The following PTPRJ variants were observed in gnomAD, a reference collection of about 807,000 sequenced individuals.
PTPRJ encodes the protein receptor-type tyrosine-protein phosphatase eta.
In PTPRJ, 129 loss-of-function variants were observed where a neutral mutation model predicts 141.3. The observed-to-expected ratio is 0.91, with a 90% CI of 0.79 to 1.06. The LOEUF (loss-of-function observed/expected upper bound fraction) is 1.06, where lower values mean the gene tolerates loss of function less well. PTPRJ is among the 50% of genes least tolerant of loss of function. PTPRJ has a pLI of 0.00. For synonymous variants in PTPRJ, 610 were observed against 640.5 expected, an observed-to-expected ratio of 0.95 and a Z score of 0.72; for missense variants, 1,601 against 1,679.7, an observed-to-expected ratio of 0.95 and a Z score of 0.82.
At position 48,123,669 on chromosome 11, in the gene PTPRJ, C is replaced by G. The variant is rs752557147; in HGVS notation, c.673C>G (p.Leu225Val). ...CCTCACGGGTGTGAGGAAGGCTGCTCTCTCCTGGAGCAATGGCAATGGCAC... is the reference window on the plus strand; with the variant it reads ...CCTCACGGGTGTGAGGAAGGCTGCTGTCTCCTGGAGCAATGGCAATGGCAC... ...VALTGVRKAA[L>V]SWSNGNGTAS... Residue 225 changes from leucine (L) to valine (V), a missense_variant, in exon 5 of 25, where the codon CTC (leucine) becomes GTC (valine). Transcript: ENST00000418331. The G allele has an allele frequency of 9.3e-6, 15 of 1,614,074 alleles. No individual in the cohort carries two copies. The highest frequency in any genetic ancestry group is 5.5e-5 in the South Asian group (5 of 91,088).
Position 48,127,777 on chromosome 11 carries a change from C to G in PTPRJ, c.1094-3C>G. 6.2e-7 allele frequency: 1 copy of G among 1,613,676 alleles called. No individual in the cohort carries two copies. Among genetic ancestry groups the G allele is most frequent in the Non-Finnish European group, 8.5e-7 (1 of 1,179,632 alleles). On this transcript the variant is annotated splice_polypyrimidine_tract_variant and splice_region_variant and intron_variant, in intron 6 of 24. Coordinates refer to ENST00000418331, the MANE Select transcript of PTPRJ (RefSeq NM_002843.4). The stretch of plus-strand genomic sequence containing the variant: ...ATTTTGAACTCCTCTTGTGTTCTCA[C>G]AGATGCTATTCAGGTTTTTGACGTC...
intron 18 of PTPRJ, among the ~76,000 whole-genome samples, chr11:48,153,325 G>A (rs1857526703): frequency 6.6e-6 from 1 of 151,922 alleles, no homozygotes; most frequent in Non-Finnish European, 1.5e-5. Context: ...ACGAGGTCAG[G>A]AGATCGAGAC....
chr11:48,086,944 G>A (rs1016952660), intron 1 of PTPRJ, among the ~76,000 whole-genome samples: 1 of 152,156 alleles, frequency 6.6e-6, no homozygotes. Flanking sequence ...CAAAAAAGTT[G>A]TATTGGTAGA....
At chr11:48,067,624 G>A (rs1855120763) in intron 1 of PTPRJ, among the ~76,000 whole-genome samples, 1 of 152,144 alleles carries the variant, frequency 6.6e-6, no homozygotes. Flanking sequence ...TCTGCACCAA[G>A]AGGCAAACCA....
At chr11:48,011,104 G>A (rs1385909802) in intron 1 of PTPRJ, among the ~76,000 whole-genome samples, 1 of 152,186 alleles carries the variant, frequency 6.6e-6, no homozygotes, top group Non-Finnish European at 1.5e-5. Context: ...CCTGGGCAAA[G>A]GCAGAGATAA....
chr11:48,126,241 T>G (rs745334668), intron 6 of PTPRJ, among the ~76,000 whole-genome samples: 5 of 152,174 alleles, frequency 3.3e-5, no homozygotes, highest in Non-Finnish European at 5.9e-5. Context: ...CTGGGGTCCC[T>G]GCTTTTTAAA....
chr11:48,112,018 G>A (rs906592760), intron 2 of PTPRJ, among the ~76,000 whole-genome samples: 8 of 152,010 alleles, frequency 5.3e-5, no homozygotes, highest in South Asian at 2.1e-4. Flanking sequence ...TGGATCCAGC[G>A]GTGAATGTTC....
At chr11:48,076,390 T>C (rs1199917820) in intron 1 of PTPRJ, among the ~76,000 whole-genome samples, 1 of 152,254 alleles carries the variant, frequency 6.6e-6, no homozygotes, top group Non-Finnish European at 1.5e-5. Flanking sequence ...GTCTTTTCTT[T>C]GTTTCATATA....
At chr11:48,089,590 G>A (rs1270762002) in intron 1 of PTPRJ, among the ~76,000 whole-genome samples, 1 of 151,668 alleles carries the variant, frequency 6.6e-6, no homozygotes, top group Admixed American at 6.6e-5. Flanking sequence ...CACCTGAGGA[G>A]CCCATTGTTA....
In PTPRJ at chr11:48,156,068, GA is replaced by G. The variant is rs750918034; in HGVS notation, c.3392del (p.Asn1131MetfsTer8). 6.2e-7 allele frequency: 1 copy of G among 1,600,128 alleles called. No individual in the cohort carries two copies. The highest frequency in any genetic ancestry group is 8.6e-7 in the Non-Finnish European group (1 of 1,167,228). On this transcript the variant is annotated frameshift_variant, in exon 21 of 25. Coordinates refer to ENST00000418331, the MANE Select transcript of PTPRJ (RefSeq NM_002843.4). LOFTEE classifies it high-confidence loss of function. ...LKDFWRMVWE[K>X]NVYAIIMLTK... Reference sequence around the variant, plus strand: ...AAGATTTTTGGCGTATGGTTTGGGAGAAAAATGTATATGCCATCATTATGTT... The same window carrying G: ...AAGATTTTTGGCGTATGGTTTGGGAGAAAATGTATATGCCATCATTATGTT...
At chr11:48,131,328 C>T (rs766784370) in intron 8 of PTPRJ, among the ~76,000 whole-genome samples, 17 of 151,908 alleles carry the variant, frequency 1.1e-4, no homozygotes, top group Non-Finnish European at 2.1e-4. Flanking sequence ...AATGATCTGC[C>T]CACCTCAGCC....
chr11:48,066,554 G>T (rs1042259953), intron 1 of PTPRJ, among the ~76,000 whole-genome samples: 3 of 133,874 alleles, frequency 2.2e-5, no homozygotes, highest in Non-Finnish European at 4.8e-5. Flanking sequence ...TTATCCAGTC[G>T]TATTATTATT....
chr11:48,094,546 C>T (rs908534503), intron 1 of PTPRJ, among the ~76,000 whole-genome samples: 3 of 152,204 alleles, frequency 2.0e-5, no homozygotes, highest in African/African-American at 7.2e-5. Context: ...CTGGCCCAAC[C>T]TTTTGATTAA....
At chr11:47,991,531 G>A (rs1854193662) in intron 1 of PTPRJ, among the ~76,000 whole-genome samples, 1 of 152,186 alleles carries the variant, frequency 6.6e-6, no homozygotes, top group Non-Finnish European at 1.5e-5. Context: ...AGGTGATTGT[G>A]CATTTCCTGC....
At chr11:48,031,079 A>T (rs1724010481) in intron 1 of PTPRJ, among the ~76,000 whole-genome samples, 2 of 152,214 alleles carry the variant, frequency 1.3e-5, no homozygotes, top group South Asian at 4.2e-4. Context: ...TCCTCTGCTC[A>T]CCTCTAACCA....
intron 1 of PTPRJ, among the ~76,000 whole-genome samples, chr11:48,049,602 T>A (rs1158869396): frequency 2.0e-5 from 3 of 149,090 alleles, no homozygotes; most frequent in Non-Finnish European, 2.9e-5. Context: ...TAATTCCATG[T>A]ACTCGGGAGG....
intron 1 of PTPRJ, among the ~76,000 whole-genome samples, chr11:48,038,314 G>T (rs927896675): frequency 1.3e-5 from 2 of 152,116 alleles, no homozygotes; most frequent in African/African-American, 4.8e-5. Flanking sequence ...CAGTGAAGTT[G>T]TTCCCCTTGG....
intron 1 of PTPRJ, among the ~76,000 whole-genome samples, chr11:48,108,268 CAAAT>C (rs960837338): frequency 2.0e-5 from 3 of 152,062 alleles, no homozygotes; most frequent in African/African-American, 7.3e-5. Context: ...AACAGCAGCT[CAAAT>C]AGATCATTTA....
intron 1 of PTPRJ, among the ~76,000 whole-genome samples, chr11:47,999,171 A>T (rs1470977817): frequency 1.3e-5 from 2 of 152,230 alleles, no homozygotes; most frequent in African/African-American, 4.8e-5. Context: ...CTGGCTCAGC[A>T]GGAGGCTAAG....
Sources: allele counts gnomAD v4.1 joint callset (sites outside exome capture counted in the v4.1 genomes callset), GRCh38; gene constraint gnomAD v4.1.1; transcripts MANE v1.5; gene names NCBI Gene and HGNC (gene_info 2026-07-23, HGNC 2026-07-21).